LRRC1: variants seen among roughly 807,000 people sequenced by gnomAD.
LRRC1 encodes the protein leucine-rich repeat-containing protein 1.
Under a neutral mutation model 69.9 loss-of-function variants are expected in LRRC1, and 28 were observed. That is an observed-to-expected ratio of 0.40 (90% CI 0.30 to 0.55). The LOEUF (loss-of-function observed/expected upper bound fraction) is 0.55, where lower values mean the gene tolerates loss of function less well. Among genes scored for constraint, LRRC1 ranks in the 20% least tolerant of loss-of-function variants. LRRC1 has a pLI of 0.47. For synonymous variants in LRRC1, 236 were observed against 240.2 expected (o/e 0.98, Z 0.16); for missense variants, 498 against 609.0 (o/e 0.82, Z 1.92).
intron 3 of LRRC1, among the ~76,000 whole-genome samples, chr6:53,881,747 G>GA (rs900401832): frequency 6.6e-6 from 1 of 152,002 alleles, no homozygotes; most frequent in Non-Finnish European, 1.5e-5. Flanking sequence ...CTCCCTCAGT[G>GA]AAAAAAAGTG....
chr6:53,828,416 C>G (rs530705446), intron 1 of LRRC1, among the ~76,000 whole-genome samples: 2 of 152,318 alleles, frequency 1.3e-5, no homozygotes, highest in African/African-American at 2.4e-5. Context: ...GCTGGCCTAG[C>G]CAGGCTTGTC....
At chr6:53,901,669 T>C (rs1198357560) in intron 8 of LRRC1, among the ~76,000 whole-genome samples, 1 of 152,212 alleles carries the variant, frequency 6.6e-6, no homozygotes, top group African/African-American at 2.4e-5. Context: ...GAGACTTCTC[T>C]GTTGGGGTGA....
chr6:53,852,515 A>G (rs149430881), intron 2 of LRRC1, among the ~76,000 whole-genome samples: 2 of 152,306 alleles, frequency 1.3e-5, no homozygotes, highest in Non-Finnish European at 2.9e-5. Flanking sequence ...TAATTCTGTG[A>G]GGTGTGGCTA....
Position 53,838,869 on chromosome 6 carries a change from A to T in LRRC1, c.160-3241A>T, listed in dbSNP as rs183357647. Among the ~76,000 whole-genome samples, 471 of 152,242 alleles carry T rather than the reference A, an allele frequency of 3.1e-3. 3 individuals carry two copies. The highest frequency in any genetic ancestry group is 0.017 in the South Asian group (80 of 4,828). ...AGATTTATAGTTCATTTTATTTTTTAAAAAAATATGGTTTTTAAATTAAAA... is the reference window on the plus strand; with the variant it reads ...AGATTTATAGTTCATTTTATTTTTTTAAAAAATATGGTTTTTAAATTAAAA... On this transcript the variant is annotated intron_variant, in intron 1 of 13. Coordinates refer to ENST00000370888, the MANE Select transcript of LRRC1 (RefSeq NM_018214.5).
chr6:53,832,974 C>A (rs1319090220), intron 1 of LRRC1, among the ~76,000 whole-genome samples: 1 of 151,976 alleles, frequency 6.6e-6, no homozygotes, highest in Admixed American at 6.5e-5. Flanking sequence ...TTTTAATGGC[C>A]ATATAATAGT....
intron 9 of LRRC1, among the ~76,000 whole-genome samples, chr6:53,903,607 A>G (rs1194399088): frequency 2.7e-5 from 4 of 145,860 alleles, no homozygotes; most frequent in East Asian, 4.0e-4. Context: ...TCCTTTCTCT[A>G]TAAATAGAGT....
chr6:53,849,647 G>C (rs893904485), intron 2 of LRRC1, among the ~76,000 whole-genome samples: 2 of 152,184 alleles, frequency 1.3e-5, no homozygotes, highest in Non-Finnish European at 2.9e-5. Flanking sequence ...CTTGGAAAGG[G>C]ACTTGAGCCA....
chr6:53,836,693 A>T (rs1765621704), intron 1 of LRRC1, among the ~76,000 whole-genome samples: 1 of 152,222 alleles, frequency 6.6e-6, no homozygotes, highest in Admixed American at 6.5e-5. Flanking sequence ...TTAAAGCATA[A>T]ATTTACAGCT....
chr6:53,905,699 A>T (rs1328115823), intron 10 of LRRC1, among the ~76,000 whole-genome samples: 1 of 151,684 alleles, frequency 6.6e-6, no homozygotes, highest in Non-Finnish European at 1.5e-5. Flanking sequence ...TCCTTTCCTC[A>T]TCTTGGTGTT....
chr6:53,820,801 G>A (rs1010280908), intron 1 of LRRC1, among the ~76,000 whole-genome samples: 2 of 152,072 alleles, frequency 1.3e-5, no homozygotes, highest in African/African-American at 2.4e-5. Context: ...TGTTTGAAGT[G>A]TACATGTAGT....
chr6:53,851,353 T>G (rs1766129770), intron 2 of LRRC1, among the ~76,000 whole-genome samples: 1 of 152,118 alleles, frequency 6.6e-6, no homozygotes, highest in Admixed American at 6.5e-5. Context: ...GTGGTGTAAT[T>G]CCAGTCTGAG....
rs182023259 is a variant in LRRC1, at chr6:53,850,936, A to C, written c.277+8709A>C. 1.5e-4 allele frequency among the ~76,000 whole-genome samples: 23 copies of C among 152,276 alleles called. No homozygotes were observed. In the East Asian group the frequency reaches 3.1e-3, roughly 20 times the overall value. Reference sequence around the variant, plus strand: ...GGAAATTTTTACGAACTATGCCAACAAGGTAGTGTACACCATTTCTATCAA... The same window carrying C: ...GGAAATTTTTACGAACTATGCCAACCAGGTAGTGTACACCATTTCTATCAA... On this transcript the variant is annotated intron_variant, in intron 2 of 13. Transcript: ENST00000370888.
At chr6:53,883,863 G>T in intron 4 of LRRC1, 1 of 714,706 alleles carries the variant, frequency 1.4e-6, no homozygotes, top group South Asian at 1.5e-5. Flanking sequence ...AGCACAGTCT[G>T]ACATGTCTGT....
chr6:53,813,631 A>G (rs1304984331), intron 1 of LRRC1, among the ~76,000 whole-genome samples: 1 of 149,570 alleles, frequency 6.7e-6, no homozygotes, highest in Admixed American at 6.8e-5. Flanking sequence ...CAATGATTCA[A>G]CAATTTGGAA....
intron 4 of LRRC1, among the ~76,000 whole-genome samples, chr6:53,885,773 C>T (rs971602958): frequency 7.2e-5 from 11 of 152,118 alleles, no homozygotes; most frequent in African/African-American, 2.4e-4. Flanking sequence ...ACTTGCAATG[C>T]CTTGAACCTG....
At chr6:53,803,377 C>T (rs1031819068) in intron 1 of LRRC1, among the ~76,000 whole-genome samples, 3 of 152,152 alleles carry the variant, frequency 2.0e-5, no homozygotes, top group Non-Finnish European at 2.9e-5. Context: ...TAGGACTCTA[C>T]CCAGGATTCA....
At chr6:53,864,294 C>T (rs1238071730) in intron 2 of LRRC1, among the ~76,000 whole-genome samples, 2 of 152,160 alleles carry the variant, frequency 1.3e-5, no homozygotes, top group African/African-American at 4.8e-5. Flanking sequence ...GGCAAACTTG[C>T]TTCCTCTCTC....
chr6:53,879,245 G>C (rs1427434936), intron 3 of LRRC1, among the ~76,000 whole-genome samples, 174 bp downstream of exon 3: 3 of 152,204 alleles, frequency 2.0e-5, no homozygotes, highest in Admixed American at 2.0e-4. Context: ...TACAATGAAA[G>C]GCGTACTATT....
intron 1 of LRRC1, among the ~76,000 whole-genome samples, chr6:53,810,742 A>G (rs989925377): frequency 2.0e-5 from 3 of 152,238 alleles, no homozygotes; most frequent in Non-Finnish European, 4.4e-5. Flanking sequence ...AAAGTGATCA[A>G]TACACTTAGT....
Sources: allele counts gnomAD v4.1 joint callset (sites outside exome capture counted in the v4.1 genomes callset), GRCh38; gene constraint gnomAD v4.1.1; transcripts MANE v1.5; gene names NCBI Gene and HGNC (gene_info 2026-07-23, HGNC 2026-07-21).